The following MTMR8 variants were observed in gnomAD, a reference collection of about 807,000 sequenced individuals.
The protein encoded by MTMR8 is phosphatidylinositol-3,5-bisphosphate 3-phosphatase MTMR8.
MTMR8 carries 65 observed loss-of-function variants against 39.3 expected under a neutral mutation model. The observed-to-expected ratio is 1.65, with a 90% confidence interval of 1.35 to 2.03. MTMR8 has a LOEUF of 2.03. Among genes scored for constraint, MTMR8 ranks in the 30% most tolerant of loss-of-function variants. The pLI, the probability that MTMR8 is intolerant of heterozygous loss-of-function variation, is 0.00. For synonymous variants in MTMR8, 245 were observed against 185.2 expected, an observed-to-expected ratio of 1.32 and a Z score of -2.62; for missense variants, 777 against 538.9, an observed-to-expected ratio of 1.44 and a Z score of -4.37.
chrX:64,282,624 T>A (rs1921003138), intron 12 of MTMR8, among the ~76,000 whole-genome samples: 1 of 111,496 alleles, frequency 9.0e-6, no homozygotes, highest in African/African-American at 3.3e-5. Flanking sequence ...ATTGTAAAAT[T>A]ATTGACAGTG....
chrX:64,337,437 A>C, intron 8 of MTMR8, 44 bp from the exon 9 acceptor site: 1 of 1,187,763 alleles, frequency 8.4e-7, no homozygotes. Context: ...CAACCTTTGC[A>C]CAGCTTGTTG....
Position 64,337,307 on chromosome X carries a change from G to T in MTMR8, c.1062C>A (p.Ile354=). The T allele has an allele frequency of 8.3e-7, 1 of 1,209,944 alleles. No individual in the cohort carries two copies. Residue 354 remains isoleucine, a synonymous_variant, in exon 9 of 14, where the codon ATC becomes ATA. Coordinates refer to ENST00000374852, the MANE Select transcript of MTMR8 (RefSeq NM_017677.4). ...RTAQVCSVAS[I]LLDPFYRTFK... Reference sequence around the variant, plus strand: ...ATGTCCTATAAAATGGATCTAGGAGGATGCTAGCCACTGAGCAGACTTGTG... The same window carrying T: ...ATGTCCTATAAAATGGATCTAGGAGTATGCTAGCCACTGAGCAGACTTGTG...
chrX:64,389,715 T>C (rs1924647110), intron 1 of MTMR8, among the ~76,000 whole-genome samples: 1 of 111,865 alleles, frequency 8.9e-6, no homozygotes, highest in African/African-American at 3.3e-5. Flanking sequence ...TACTATTGTT[T>C]GGCTCTGATG....
At chrX:64,276,048 A>C (rs1416700440) in intron 12 of MTMR8, among the ~76,000 whole-genome samples, 1 of 111,796 alleles carries the variant, frequency 8.9e-6, no homozygotes, top group African/African-American at 3.2e-5. Context: ...ATGCTTTTTA[A>C]ATTGTGTCTA....
chrX:64,304,899 T>C (rs1434388056), intron 12 of MTMR8: 4 of 73,684 alleles, frequency 5.4e-5, no homozygotes, highest in African/African-American at 2.0e-4. Context: ...TATATATATA[T>C]ATATATATAC....
chrX:64,303,428 C>G (rs1310777347), intron 12 of MTMR8, among the ~76,000 whole-genome samples: 2 of 112,038 alleles, frequency 1.8e-5, no homozygotes, highest in African/African-American at 6.5e-5. Context: ...GTTATGTTCA[C>G]AAAACAATTT....
chrX:64,343,769 TATTC>T (rs1923276932), intron 7 of MTMR8, 49 bp from the exon 8 acceptor site: 1 of 904,514 alleles, frequency 1.1e-6, no homozygotes, highest in Admixed American at 2.5e-5. Flanking sequence ...CAACTCAGTT[TATTC>T]ATTAAGGGGA....
intron 12 of MTMR8, among the ~76,000 whole-genome samples, chrX:64,284,788 A>G (rs1249412167): frequency 8.9e-6 from 1 of 111,788 alleles, no homozygotes; most frequent in Non-Finnish European, 1.9e-5. Flanking sequence ...AGATTTTGTC[A>G]CCACCAGGCC....
intron 12 of MTMR8, among the ~76,000 whole-genome samples, chrX:64,277,647 A>T (rs1043031784): frequency 7.2e-5 from 8 of 111,156 alleles, no homozygotes; most frequent in African/African-American, 2.3e-4. Flanking sequence ...GGGTAACCCA[A>T]CCTTTCTCTC....
At chrX:64,393,766 A>T (rs1232355680) in intron 1 of MTMR8, among the ~76,000 whole-genome samples, 1 of 112,141 alleles carries the variant, frequency 8.9e-6, no homozygotes, top group Non-Finnish European at 1.9e-5. Context: ...AAAGGCCCTG[A>T]AGAGGAGGGA....
At chrX:64,354,182 TG>T (rs777890870) in intron 4 of MTMR8, among the ~76,000 whole-genome samples, 23 of 94,617 alleles carry the variant, frequency 2.4e-4, no homozygotes, top group African/African-American at 8.0e-4. Context: ...GGTAGTGGAG[TG>T]GGGGGGATAA....
intron 12 of MTMR8, among the ~76,000 whole-genome samples, chrX:64,308,283 C>A (rs754438465): frequency 9.3e-6 from 1 of 107,526 alleles, no homozygotes; most frequent in South Asian, 4.1e-4. Flanking sequence ...GCCTCCAGAG[C>A]AGCTGGGACT....
rs760545171 is a variant in MTMR8, at chrX:64,362,471, GA to G, written c.25-2945del. Reference sequence around the variant, plus strand: ...ACAAAAAACCTCTAGTACTATTGCAGAAAAAAAAAAAAAAAAAAAAAAAAAA... The same window carrying G: ...ACAAAAAACCTCTAGTACTATTGCAGAAAAAAAAAAAAAAAAAAAAAAAAA... On this transcript the variant is annotated intron_variant, in intron 1 of 13. Coordinates refer to ENST00000374852, the MANE Select transcript of MTMR8 (RefSeq NM_017677.4). Among the ~76,000 whole-genome samples the G allele has an allele frequency of 7.6e-3, 42 of 5,497 alleles. 1 individual carries two copies. Among genetic ancestry groups the G allele is most frequent in the Non-Finnish European group, 9.3e-3 (26 of 2,792 alleles). 4.8% of individuals were successfully genotyped at this position (5,497 alleles called of 115,157 possible).
chrX:64,349,644 A>C (rs1218484003), intron 5 of MTMR8, among the ~76,000 whole-genome samples: 1 of 111,807 alleles, frequency 8.9e-6, no homozygotes, highest in East Asian at 2.8e-4. Context: ...GTATACAACT[A>C]ATTTTCTGTC....
chrX:64,352,806 C>T (rs1362881088), intron 4 of MTMR8, among the ~76,000 whole-genome samples: 1 of 111,822 alleles, frequency 8.9e-6, no homozygotes, highest in Non-Finnish European at 1.9e-5. Flanking sequence ...CTCATAACTT[C>T]ACATATCATT....
At chrX:64,374,698 C>A (rs1924218265) in intron 1 of MTMR8, among the ~76,000 whole-genome samples, 1 of 111,265 alleles carries the variant, frequency 9.0e-6, no homozygotes, top group African/African-American at 3.3e-5. Context: ...AATACCTGGA[C>A]CCTGTGAATG....
chrX:64,350,088 CAATATATATA>C lies in MTMR8; in HGVS notation c.469-28_469-19del. The stretch of plus-strand genomic sequence containing the variant: ...CTGCATATCTAAAAGAAAATAAGCA[CAATATATATA>C]AATATATATTTATACATTTATATAT... On this transcript the variant is annotated intron_variant, in intron 4 of 13. Coordinates refer to ENST00000374852, the MANE Select transcript of MTMR8 (RefSeq NM_017677.4). The C allele has an allele frequency of 1.0e-6, 1 of 970,533 alleles. No individual in the cohort carries two copies. Among genetic ancestry groups the C allele is most frequent in the Non-Finnish European group, 1.4e-6 (1 of 736,605 alleles). 80.0% of individuals were successfully genotyped at this position (970,533 alleles called of 1,213,427 possible). A position where few individuals can be genotyped will look rare whatever the true frequency, so the allele number is the denominator to read the frequency against.
At chrX:64,355,662 T>C (rs1278777576) in intron 3 of MTMR8, among the ~76,000 whole-genome samples, 1 of 110,830 alleles carries the variant, frequency 9.0e-6, no homozygotes, top group Non-Finnish European at 1.9e-5. Flanking sequence ...AGCTGGTTAA[T>C]TGCCTAGGGG....
At chrX:64,395,079 G>A (rs944313746) in intron 1 of MTMR8, among the ~76,000 whole-genome samples, 6 of 112,381 alleles carry the variant, frequency 5.3e-5, no homozygotes, top group Middle Eastern at 4.6e-3. Flanking sequence ...CAGAACAGGC[G>A]TGCACCAGGA....
Sources: allele counts gnomAD v4.1 joint callset (sites outside exome capture counted in the v4.1 genomes callset), GRCh38; gene constraint gnomAD v4.1.1; transcripts MANE v1.5; gene names NCBI Gene and HGNC (gene_info 2026-07-23, HGNC 2026-07-21).